Variants in SIPA1L1 observed in about 807,000 individuals in gnomAD.
SIPA1L1 encodes the protein signal-induced proliferation-associated 1-like protein 1.
A neutral mutation model predicts 162.7 loss-of-function variants in SIPA1L1; 26 were observed. The ratio of observed to expected loss-of-function variants is 0.16; its 90% CI spans 0.12 to 0.22. The LOEUF is 0.22. SIPA1L1 is among the 10% of genes least tolerant of loss of function. The probability of loss-of-function intolerance (pLI) is 1.00; values close to 1 mark genes in which losing one functional copy is unlikely to be tolerated. For synonymous variants in SIPA1L1, 829 were observed against 837.4 expected (o/e 0.99, Z 0.17); for missense variants, 1,874 against 2,241.0 (o/e 0.84, Z 3.31).
intron 17 of SIPA1L1, among the ~76,000 whole-genome samples, chr14:71,718,964 A>G (rs1004871951): frequency 6.6e-6 from 1 of 150,894 alleles, no homozygotes; most frequent in African/African-American, 2.4e-5. Context: ...TTTGAGATAG[A>G]GTCTCATTTT....
intron 2 of SIPA1L1, among the ~76,000 whole-genome samples, chr14:71,394,881 A>T (rs1394194095): frequency 6.6e-6 from 1 of 152,248 alleles, no homozygotes; most frequent in Non-Finnish European, 1.5e-5. Context: ...ACTCAAAAGA[A>T]GAAGCTATAT....
chr14:71,532,531 A>G (rs889733164), intron 4 of SIPA1L1, among the ~76,000 whole-genome samples: 2 of 152,168 alleles, frequency 1.3e-5, no homozygotes, highest in African/African-American at 4.8e-5. Context: ...CAGATCTGTA[A>G]TTAGGTCTTG....
intron 2 of SIPA1L1, among the ~76,000 whole-genome samples, chr14:71,391,717 G>A (rs1392722243): frequency 6.6e-6 from 1 of 152,164 alleles, no homozygotes; most frequent in Non-Finnish European, 1.5e-5. Flanking sequence ...TGACCAACTA[G>A]AGTACATTCT....
chr14:71,375,057 A>G (rs2039250572), intron 2 of SIPA1L1, among the ~76,000 whole-genome samples: 1 of 152,184 alleles, frequency 6.6e-6, no homozygotes, highest in African/African-American at 2.4e-5. Context: ...AAATATTCTT[A>G]TAGAACTATA....
chr14:71,577,909 T>G (rs184116061), intron 4 of SIPA1L1, among the ~76,000 whole-genome samples: 3 of 151,936 alleles, frequency 2.0e-5, no homozygotes, highest in African/African-American at 7.2e-5. Flanking sequence ...TTTTTTTTAT[T>G]TTTTATTTTT....
At chr14:71,357,957 C>A (rs2037435672) in intron 2 of SIPA1L1, among the ~76,000 whole-genome samples, 1 of 152,180 alleles carries the variant, frequency 6.6e-6, no homozygotes, top group Admixed American at 6.5e-5. Context: ...GTCTCGAACT[C>A]CTGACCTCAA....
At chr14:71,733,334 T>C (rs890149465) in intron 20 of SIPA1L1, among the ~76,000 whole-genome samples, 1 of 152,250 alleles carries the variant, frequency 6.6e-6, no homozygotes, top group African/African-American at 2.4e-5. Context: ...CTTGACTCTG[T>C]GCAGGAAAGT....
At chr14:71,439,529 T>G (rs1252962532) in intron 2 of SIPA1L1, among the ~76,000 whole-genome samples, 1 of 152,234 alleles carries the variant, frequency 6.6e-6, no homozygotes, top group Non-Finnish European at 1.5e-5. Flanking sequence ...CCATAGTATA[T>G]GCTACTTTAT....
rs1469561610 is a variant in SIPA1L1 at position 71,588,983 on chromosome 14, T to C, written c.1111T>C (p.Leu371=). The change falls in exon 5 of 24, where the codon TTG becomes CTG. Residue 371 remains leucine (L), a synonymous_variant. Transcript: ENST00000381232. The surrounding 1 kb of genome is among the most constrained non-coding windows in gnomAD (Gnocchi z 4.3). ...AGCTTCCGCAGCTGCCGTGGCATCC[T>C]TGGTCTCTGGACCTCTGTCTCATTC... The part of the protein sequence containing the change: ...TGASAAAVAS[L]VSGPLSHSAS... 8.7e-6 allele frequency: 14 copies of C among 1,614,144 alleles called. No homozygotes were observed. Among genetic ancestry groups the C allele is most frequent in the Non-Finnish European group, 1.1e-5 (13 of 1,179,986 alleles).
intron 15 of SIPA1L1, among the ~76,000 whole-genome samples, chr14:71,703,303 T>C (rs1046810391): frequency 6.6e-6 from 1 of 152,228 alleles, no homozygotes; most frequent in Non-Finnish European, 1.5e-5. Flanking sequence ...ATTTCAGGGC[T>C]GAAAAAGATA....
At chr14:71,342,672 T>C (rs1594903177) in intron 2 of SIPA1L1, among the ~76,000 whole-genome samples, 1 of 152,212 alleles carries the variant, frequency 6.6e-6, no homozygotes, top group South Asian at 2.1e-4. Context: ...ACCTGAACTT[T>C]TCTATTGAGT....
chr14:71,738,191 C>CCA, intron 22 of SIPA1L1, 50 bp from the exon 23 acceptor site: 1 of 791,664 alleles, frequency 1.3e-6, no homozygotes, highest in Non-Finnish European at 2.0e-6. Context: ...AAAAAACAAA[C>CCA]CCAGCCATGG....
chr14:71,418,809 G>A (rs1024066603), intron 2 of SIPA1L1, among the ~76,000 whole-genome samples: 2 of 152,174 alleles, frequency 1.3e-5, no homozygotes, highest in African/African-American at 2.4e-5. Flanking sequence ...AGGCCATATG[G>A]TGGGTAAAGT....
At chr14:71,692,322 A>G (rs1437313549) in intron 13 of SIPA1L1, among the ~76,000 whole-genome samples, 1 of 152,222 alleles carries the variant, frequency 6.6e-6, no homozygotes, top group Non-Finnish European at 1.5e-5. Flanking sequence ...TTAAAAGTAT[A>G]TTGCTGGTAG....
At chr14:71,543,868 C>T (rs9672071) in intron 4 of SIPA1L1, among the ~76,000 whole-genome samples, 49,221 of 132,138 alleles carry the variant, frequency 0.37, 9,554 homozygotes, top group Middle Eastern at 0.54. Context: ...ATATATCATA[C>T]GTATGTGTAT....
intron 2 of SIPA1L1, among the ~76,000 whole-genome samples, chr14:71,407,753 T>C (rs1455657377): frequency 6.6e-5 from 10 of 152,202 alleles, no homozygotes; most frequent in African/African-American, 2.4e-4. Flanking sequence ...GTATGTCCTT[T>C]TATTTCTTTT....
intron 17 of SIPA1L1, among the ~76,000 whole-genome samples, chr14:71,718,642 C>G (rs1403039721): frequency 1.3e-5 from 2 of 152,126 alleles, no homozygotes; most frequent in Non-Finnish European, 2.9e-5. Flanking sequence ...GGAGCAAGAC[C>G]CTGTCTCAAA....
chr14:71,694,155 T>C (rs117664161), intron 13 of SIPA1L1, among the ~76,000 whole-genome samples: 3,600 of 152,276 alleles, frequency 0.024, 57 homozygotes, highest in Middle Eastern at 0.037. Context: ...GTTGGCACTA[T>C]ATATGTCGTC....
At chr14:71,599,542 A>G (rs2036487463) in intron 5 of SIPA1L1, among the ~76,000 whole-genome samples, 1 of 150,246 alleles carries the variant, frequency 6.7e-6, no homozygotes, top group Admixed American at 6.6e-5. Context: ...TCATTGATGG[A>G]CATGTAGGTT....
Sources: allele counts gnomAD v4.1 joint callset (sites outside exome capture counted in the v4.1 genomes callset), GRCh38; gene constraint gnomAD v4.1.1; non-coding constraint Gnocchi (gnomAD v3.1); transcripts MANE v1.5; gene names NCBI Gene and HGNC (gene_info 2026-07-23, HGNC 2026-07-21).